The following RAB18 variants were observed in gnomAD, a reference collection of about 807,000 sequenced individuals.
The protein encoded by RAB18 is ras-related protein Rab-18.
Under a neutral mutation model 28.5 loss-of-function variants are expected in RAB18, and 10 were observed. That is an observed-to-expected ratio of 0.35 (90% CI 0.22 to 0.60). The LOEUF (loss-of-function observed/expected upper bound fraction) is 0.60. RAB18 is among the 20% of genes least tolerant of loss of function. The probability of loss-of-function intolerance (pLI) is 0.78; values close to 1 mark genes in which losing one functional copy is unlikely to be tolerated. For missense variants in RAB18, 188 were observed against 244.2 expected, an observed-to-expected ratio of 0.77 and a Z score of 1.53; for synonymous variants, 93 against 86.9, an observed-to-expected ratio of 1.07 and a Z score of -0.39.
In RAB18 at chr10:27,540,774, T is replaced by A; in HGVS notation, c.*2723T>A. The A allele has an allele frequency of 2.2e-6, 1 of 454,126 alleles. No individual in the cohort carries two copies. Among genetic ancestry groups the A allele is most frequent in the South Asian group, 1.6e-5 (1 of 64,480 alleles). 28.1% of individuals were successfully genotyped at this position (454,126 alleles called of 1,614,324 possible). Reference sequence around the variant, plus strand: ...ATTTCATGTATTTGATTGCCATCCATAAACTCATACTTGGTGTTGACATTC... The same window carrying A: ...ATTTCATGTATTTGATTGCCATCCAAAAACTCATACTTGGTGTTGACATTC... On this transcript the variant is annotated 3_prime_UTR_variant, in exon 7 of 7. Coordinates refer to ENST00000356940, the MANE Select transcript of RAB18 (RefSeq NM_021252.5).
intron 2 of RAB18, chr10:27,514,255 A>T (rs1834386985): frequency 6.6e-6 from 1 of 152,232 alleles, no homozygotes; most frequent in South Asian, 2.1e-4. Context: ...CAAAGGACAG[A>T]TGAAGAACAG....
chr10:27,539,813 T>C lies in RAB18; in HGVS notation c.*1762T>C. The C allele has an allele frequency of 2.2e-6, 1 of 453,490 alleles. No individual in the cohort carries two copies. The highest frequency in any genetic ancestry group is 1.6e-5 in the South Asian group (1 of 64,214). 28.1% of individuals were successfully genotyped at this position (453,490 alleles called of 1,614,324 possible). On this transcript the variant is annotated 3_prime_UTR_variant, in exon 7 of 7. Transcript: ENST00000356940. ...CCTTTTTCTAGTTCTTGAATAAATA[T>C]AGCCTGCTTTCCCTAGATGCATTTG... is the stretch of plus-strand genomic sequence containing the variant.
chr10:27,521,419 C>T (rs774527171), intron 2 of RAB18, among the ~76,000 whole-genome samples: 30 of 152,056 alleles, frequency 2.0e-4, no homozygotes, highest in Non-Finnish European at 4.4e-4. Flanking sequence ...TATAGCAGCA[C>T]AATTCACAAT....
intron 2 of RAB18, among the ~76,000 whole-genome samples, chr10:27,525,075 C>T (rs1315064312): frequency 1.3e-5 from 2 of 152,172 alleles, no homozygotes; most frequent in Non-Finnish European, 1.5e-5. Context: ...ATGTCAGAGA[C>T]AGTCATTAGA....
chr10:27,538,278 A>G lies in RAB18; in HGVS notation c.*227A>G, dbSNP rs1257470357. On this transcript the variant is annotated 3_prime_UTR_variant, in exon 7 of 7. Transcript: ENST00000356940. ...TTTTTATGTAGCACAAAATAGGTGT[A>G]CCTTTATAAGTACATTCAATTTTAT... 3.1e-6 allele frequency: 2 copies of G among 654,374 alleles called. No homozygotes were observed. The highest frequency in any genetic ancestry group is 3.6e-5 in the African/African-American group (2 of 56,082). 40.5% of individuals were successfully genotyped at this position (654,374 alleles called of 1,614,324 possible).
chr10:27,533,722 CCTT>C lies in RAB18; in HGVS notation c.260-12_260-10del. ...TTTAATGCTTATTTAACAAATGACTCCTTTTATTTCAGTTTATGATGTCACAAG... is the reference window on the plus strand; with the variant it reads ...TTTAATGCTTATTTAACAAATGACTCTTATTTCAGTTTATGATGTCACAAG... On this transcript the variant is annotated splice_polypyrimidine_tract_variant and intron_variant, in intron 4 of 6. Transcript: ENST00000356940. 6.2e-7 allele frequency: 1 copy of C among 1,611,192 alleles called. No homozygotes were observed.
intron 2 of RAB18, among the ~76,000 whole-genome samples, chr10:27,512,346 G>T (rs1431530924): frequency 7.3e-5 from 11 of 151,660 alleles, no homozygotes; most frequent in Non-Finnish European, 1.6e-4. Context: ...TTGCTCTGTT[G>T]CCCAGGCTGG....
chr10:27,528,177 T>G (rs1169965889), intron 3 of RAB18: 4 of 394,246 alleles, frequency 1.0e-5, no homozygotes, highest in Non-Finnish European at 2.0e-5. Context: ...ATCTGAGACT[T>G]GCTGGTTGCA....
chr10:27,506,716 C>G (rs1369316820), intron 1 of RAB18, among the ~76,000 whole-genome samples: 1 of 152,074 alleles, frequency 6.6e-6, no homozygotes, highest in Non-Finnish European at 1.5e-5. Flanking sequence ...CCTCATACTC[C>G]TAAAGTGCTG....
chr10:27,520,551 T>G (rs1320065234), intron 2 of RAB18, among the ~76,000 whole-genome samples: 1 of 152,160 alleles, frequency 6.6e-6, no homozygotes, highest in Non-Finnish European at 1.5e-5. Flanking sequence ...TCCTCTCTTT[T>G]AGTTCCTTAA....
chr10:27,538,551 A>C lies in RAB18; in HGVS notation c.*500A>C. 1 of 454,532 alleles carries C rather than the reference A, an allele frequency of 2.2e-6. No individual in the cohort carries two copies. The highest frequency in any genetic ancestry group is 4.4e-6 in the Non-Finnish European group (1 of 226,784). 28.2% of individuals were successfully genotyped at this position (454,532 alleles called of 1,614,324 possible). A position where few individuals can be genotyped will look rare whatever the true frequency, so the allele number is the denominator to read the frequency against. On this transcript the variant is annotated 3_prime_UTR_variant, in exon 7 of 7. Transcript: ENST00000356940. ...TGTTTGAGATTCTTTTTTAGTACTAAGCAAAATTCTCATCACAGAATGTAG... is the reference window on the plus strand; with the variant it reads ...TGTTTGAGATTCTTTTTTAGTACTACGCAAAATTCTCATCACAGAATGTAG...
intron 2 of RAB18, among the ~76,000 whole-genome samples, chr10:27,526,145 G>A (rs542355935): frequency 2.6e-5 from 4 of 152,050 alleles, no homozygotes; most frequent in African/African-American, 7.2e-5. Context: ...ACATAAATTA[G>A]TACTTATAGA....
chr10:27,515,743 A>AT (rs200081707), intron 2 of RAB18, among the ~76,000 whole-genome samples: 5,528 of 152,074 alleles, frequency 0.036, 302 homozygotes, highest in African/African-American at 0.12. Flanking sequence ...AAAAAAAAAA[A>AT]ATTTTTTTTC....
chr10:27,511,491 C>T (rs1834321633), intron 2 of RAB18, among the ~76,000 whole-genome samples: 1 of 152,118 alleles, frequency 6.6e-6, no homozygotes, highest in Non-Finnish European at 1.5e-5. Flanking sequence ...CAGGTGTGAG[C>T]CACCGCGTCG....
chr10:27,537,948 C>A lies in RAB18; in HGVS notation c.518C>A (p.Pro173His). 1 of 1,614,084 alleles carries A rather than the reference C, an allele frequency of 6.2e-7. No homozygotes were observed. Among genetic ancestry groups the A allele is most frequent in the Non-Finnish European group, 8.5e-7 (1 of 1,179,996 alleles). The change falls in exon 7 of 7, where the codon CCT becomes CAT. Residue 173 changes from proline (P) to histidine (H), a missense_variant. Transcript: ENST00000356940. ...EELVEKIIQT[P>H]GLWESENQNK... ...CTTGTTGAAAAGATCATTCAGACCC[C>A]TGGACTGTGGGAAAGTGAGAACCAG...
rs1246295496 is a variant in RAB18, at chr10:27,541,234, A to G, written c.*3183A>G. 5 of 453,888 alleles carry G rather than the reference A, an allele frequency of 1.1e-5. No homozygotes were observed. Among genetic ancestry groups the G allele is most frequent in the East Asian group, 1.4e-4 (2 of 14,404 alleles). 28.1% of individuals were successfully genotyped at this position (453,888 alleles called of 1,614,324 possible). A position where few individuals can be genotyped will look rare whatever the true frequency, so the allele number is the denominator to read the frequency against. ...GACCCTGCCGTGTATACTCAACTAT[A>G]TAGACTTCACCCTGGGTTTTGCCTA... On this transcript the variant is annotated 3_prime_UTR_variant, in exon 7 of 7. Coordinates refer to ENST00000356940, the MANE Select transcript of RAB18 (RefSeq NM_021252.5).
intron 2 of RAB18, among the ~76,000 whole-genome samples, chr10:27,522,855 G>A (rs1310978476): frequency 6.6e-6 from 1 of 151,806 alleles, no homozygotes. Context: ...TCTATAAATG[G>A]TGTGATTTTT....
chr10:27,529,306 A>G (rs1445388475), intron 3 of RAB18, among the ~76,000 whole-genome samples: 1 of 151,858 alleles, frequency 6.6e-6, no homozygotes, highest in East Asian at 1.9e-4. Flanking sequence ...TGGATCAGCT[A>G]TTTTCATCAT....
At position 27,540,304 on chromosome 10, in the gene RAB18, A is replaced by G. The variant is rs1039005929; in HGVS notation, c.*2253A>G. Reference sequence around the variant, plus strand: ...AAGGTGAGGACAACACAATGTAGGTATGTTAGGTAACCCCCAAAGATCACA... The same window carrying G: ...AAGGTGAGGACAACACAATGTAGGTGTGTTAGGTAACCCCCAAAGATCACA... On this transcript the variant is annotated 3_prime_UTR_variant, in exon 7 of 7. Transcript: ENST00000356940. The G allele has an allele frequency of 1.8e-5, 8 of 453,972 alleles. No individual in the cohort carries two copies. Among genetic ancestry groups the G allele is most frequent in the Middle Eastern group, 6.8e-4 (1 of 1,466 alleles). 28.1% of individuals were successfully genotyped at this position (453,972 alleles called of 1,614,324 possible).
Sources: gnomAD v4.1 joint callset for allele counts (sites outside exome capture counted in the v4.1 genomes callset) on GRCh38, gnomAD v4.1.1 for gene constraint, MANE v1.5 for transcripts, NCBI Gene and HGNC (gene_info 2026-07-23, HGNC 2026-07-21) for gene names.